ZSWIM4: variants seen among roughly 807,000 people sequenced by gnomAD.
ZSWIM4 encodes the protein zinc finger SWIM domain-containing protein 4.
Under a neutral mutation model 102.5 loss-of-function variants are expected in ZSWIM4, and 62 were observed. That is an observed-to-expected ratio of 0.60 (90% CI 0.49 to 0.75). ZSWIM4 has a LOEUF of 0.75. Among genes scored for constraint, ZSWIM4 ranks in the 30% least tolerant of loss-of-function variants. The pLI is 0.00. For synonymous variants in ZSWIM4, 652 were observed against 674.5 expected (o/e 0.97, Z 0.52); for missense variants, 1,280 against 1,529.6 (o/e 0.84, Z 2.72).
chr19:13,818,842 G>A (rs942530647), intron 9 of ZSWIM4, among the ~76,000 whole-genome samples: 1 of 147,736 alleles, frequency 6.8e-6, no homozygotes, highest in Non-Finnish European at 1.5e-5. Flanking sequence ...GGGATTACAG[G>A]CATGAGCCGT....
At chr19:13,814,378 AG>A (rs1376447466) in intron 6 of ZSWIM4, 136 bp from the exon 7 acceptor site, 3 of 247,298 alleles carry the variant, frequency 1.2e-5, no homozygotes, top group Non-Finnish European at 1.4e-5. Flanking sequence ...GGTGGCTTCA[AG>A]GACTGGGCAG....
At chr19:13,829,497 A>G (rs2145385536) in intron 13 of ZSWIM4, among the ~76,000 whole-genome samples, 1 of 151,998 alleles carries the variant, frequency 6.6e-6, no homozygotes, top group South Asian at 2.1e-4. Context: ...AGGCTGAGGC[A>G]GGAGAATTGC....
chr19:13,818,478 C>T (rs1470522094), intron 9 of ZSWIM4, among the ~76,000 whole-genome samples: 1 of 152,192 alleles, frequency 6.6e-6, no homozygotes, highest in African/African-American at 2.4e-5. Context: ...CAGGTGCAGC[C>T]CCACCTCCAC....
intron 8 of ZSWIM4, 141 bp downstream of exon 8, chr19:13,817,494 G>A (rs1975325988): frequency 1.6e-6 from 2 of 1,223,556 alleles, no homozygotes; most frequent in Non-Finnish European, 2.3e-6. Flanking sequence ...CCTCTGGCCA[G>A]TGCCCAGAGC....
chr19:13,825,503 G>A lies in ZSWIM4; in HGVS notation c.2216-47G>A. ...CAGGTCGGGTGGTGGTCAGAGGCTG[G>A]TGCTGAGGTGTATCCGATGGTGTCC... On this transcript the variant is annotated intron_variant, in intron 11 of 13. Coordinates refer to ENST00000590508, the MANE Select transcript of ZSWIM4 (RefSeq NM_001367834.3). The surrounding 1 kb of genome is among the most constrained non-coding windows in gnomAD (Gnocchi z 4.6). 6.3e-7 allele frequency: 1 copy of A among 1,594,912 alleles called. No homozygotes were observed. Among genetic ancestry groups the A allele is most frequent in the Non-Finnish European group, 8.6e-7 (1 of 1,166,984 alleles).
chr19:13,818,111 C>T (rs989013470), intron 9 of ZSWIM4, 135 bp downstream of exon 9: 15 of 1,349,496 alleles, frequency 1.1e-5, no homozygotes, highest in African/African-American at 7.7e-5. Context: ...GTGATACTGT[C>T]CCCTCATACC....
intron 1 of ZSWIM4, 114 bp from the exon 2 acceptor site, chr19:13,799,606 T>C (rs1974700526): frequency 2.9e-6 from 3 of 1,020,252 alleles, no homozygotes; most frequent in Non-Finnish European, 4.6e-6. Flanking sequence ...AGCCTCTCTA[T>C]GTTGCCCAGG....
At position 13,830,142 on chromosome 19, in the gene ZSWIM4, T is replaced by C. The variant is rs1568347903; in HGVS notation, c.2462-49T>C. The C allele has an allele frequency of 5.1e-6, 8 of 1,574,852 alleles. No homozygotes were observed. In the South Asian group the frequency reaches 8.2e-5, roughly 16 times the overall value. On this transcript the variant is annotated intron_variant, in intron 13 of 13. Transcript: ENST00000590508. ...TGGTTAACCCACGCATACATGTACG[T>C]GTGTCTGCCCCCGCTCCTGACGGAT...
chr19:13,825,517 C>G lies in ZSWIM4; in HGVS notation c.2216-33C>G. On this transcript the variant is annotated intron_variant, in intron 11 of 13. Transcript: ENST00000590508. This position sits in a 1 kb window ranked among gnomAD's most constrained non-coding sequence, Gnocchi z 4.6. ...GTCAGAGGCTGGTGCTGAGGTGTATCCGATGGTGTCCTCTGTCCCGCCCTT... is the reference window on the plus strand; with the variant it reads ...GTCAGAGGCTGGTGCTGAGGTGTATGCGATGGTGTCCTCTGTCCCGCCCTT... 6.2e-7 allele frequency: 1 copy of G among 1,605,256 alleles called. No individual in the cohort carries two copies. The highest frequency in any genetic ancestry group is 1.1e-5 in the South Asian group (1 of 90,188).
intron 2 of ZSWIM4, among the ~76,000 whole-genome samples, chr19:13,802,278 A>ATTT (rs201793669): frequency 0.019 from 2,723 of 145,102 alleles, 29 homozygotes; most frequent in African/African-American, 0.033. Flanking sequence ...GCCTGGCCAA[A>ATTT]TTTTTTTTTT....
intron 7 of ZSWIM4, 39 bp from the exon 8 acceptor site, chr19:13,817,177 C>A: frequency 6.3e-7 from 1 of 1,584,920 alleles, no homozygotes; most frequent in South Asian, 1.1e-5. Flanking sequence ...GAGACTTGGG[C>A]AGGTGTGTGG....
In ZSWIM4 at chr19:13,825,465, G is replaced by A. The variant is rs1975579841; in HGVS notation, c.2216-85G>A. The A allele has an allele frequency of 3.3e-6, 5 of 1,496,342 alleles. No individual in the cohort carries two copies. Among genetic ancestry groups the A allele is most frequent in the Non-Finnish European group, 4.6e-6 (5 of 1,093,362 alleles). 92.7% of individuals were successfully genotyped at this position (1,496,342 alleles called of 1,614,324 possible). A position where few individuals can be genotyped will look rare whatever the true frequency, so the allele number is the denominator to read the frequency against. ...CTCACACATGTGCCCCTGGGTGGAA[G>A]GATCTGTGTGAACAGGTCGGGTGGT... On this transcript the variant is annotated intron_variant, in intron 11 of 13. Transcript: ENST00000590508. The surrounding 1 kb of genome is among the most constrained non-coding windows in gnomAD (Gnocchi z 4.6).
intron 10 of ZSWIM4, among the ~76,000 whole-genome samples, chr19:13,820,863 G>A (rs992844115): frequency 2.0e-5 from 3 of 148,640 alleles, no homozygotes; most frequent in African/African-American, 7.5e-5. Flanking sequence ...CTAAGGACAC[G>A]TCATAAAAGA....
Position 13,831,121 on chromosome 19 carries a change from G to A in ZSWIM4, c.*71G>A. The A allele has an allele frequency of 6.7e-7, 1 of 1,497,842 alleles. No homozygotes were observed. The highest frequency in any genetic ancestry group is 8.8e-7 in the Non-Finnish European group (1 of 1,130,224). The allele number at this position is 1,497,842 out of a possible 1,614,324, so 92.8% of individuals were successfully genotyped here. ...TCCCCCACCCTTGCTCTCCAATTAG[G>A]CCCACGTGGCATTTCAGTATTATTA... is the stretch of plus-strand genomic sequence containing the variant. On this transcript the variant is annotated 3_prime_UTR_variant, in exon 14 of 14. Transcript: ENST00000590508.
At chr19:13,812,712 C>A (rs1459859663) in intron 5 of ZSWIM4, among the ~76,000 whole-genome samples, 1 of 151,480 alleles carries the variant, frequency 6.6e-6, no homozygotes, top group Non-Finnish European at 1.5e-5. Context: ...TCAGGTGATC[C>A]GCCTGCCTCA....
At chr19:13,826,073 G>A (rs185877110) in intron 12 of ZSWIM4, among the ~76,000 whole-genome samples, 62 of 152,278 alleles carry the variant, frequency 4.1e-4, no homozygotes, top group African/African-American at 1.2e-3. Context: ...CTTTAGGGGC[G>A]GGGCCACAGA....
chr19:13,808,743 A>C, intron 3 of ZSWIM4, 93 bp from the exon 4 acceptor site: 1 of 573,660 alleles, frequency 1.7e-6, no homozygotes, highest in Non-Finnish European at 2.3e-6. Flanking sequence ...CCGTCTCCAA[A>C]AAAAAAAAAA....
At chr19:13,822,740 G>A (rs913967402) in intron 10 of ZSWIM4, among the ~76,000 whole-genome samples, 36 of 152,148 alleles carry the variant, frequency 2.4e-4, no homozygotes, top group African/African-American at 8.4e-4. Context: ...AGTACTTTGG[G>A]AGGCCGAGGA....
chr19:13,801,494 C>A (rs1213702358), intron 2 of ZSWIM4, among the ~76,000 whole-genome samples: 1 of 152,032 alleles, frequency 6.6e-6, no homozygotes, highest in Non-Finnish European at 1.5e-5. Context: ...TGATCCTAGA[C>A]CTCAGGCAGT....
Sources: allele counts gnomAD v4.1 joint callset (sites outside exome capture counted in the v4.1 genomes callset), GRCh38; gene constraint gnomAD v4.1.1; non-coding constraint Gnocchi (gnomAD v3.1); transcripts MANE v1.5; gene names NCBI Gene and HGNC (gene_info 2026-07-23, HGNC 2026-07-21).